LPP: variants seen among roughly 807,000 people sequenced by gnomAD.
LPP encodes LIM domain containing preferred translocation partner in lipoma.
Under a neutral mutation model 60.4 loss-of-function variants are expected in LPP, and 38 were observed. The observed-to-expected ratio is 0.63, with a 90% CI of 0.49 to 0.83. The LOEUF (loss-of-function observed/expected upper bound fraction) is 0.83. Among genes scored for constraint, LPP ranks in the 40% least tolerant of loss-of-function variants. The pLI is 0.00. For missense variants in LPP, 902 were observed against 783.6 expected, an observed-to-expected ratio of 1.15 and a Z score of -1.80; for synonymous variants, 328 against 290.8, an observed-to-expected ratio of 1.13 and a Z score of -1.30.
At chr3:188,159,769 G>A (rs2148682210) in intron 1 of LPP, among the ~76,000 whole-genome samples, 1 of 152,364 alleles carries the variant, frequency 6.6e-6, no homozygotes, top group East Asian at 1.9e-4. Context: ...GACTGGGAGT[G>A]TAGAGCTGAG....
intron 2 of LPP, among the ~76,000 whole-genome samples, chr3:188,290,698 G>C (rs556544723): frequency 6.6e-6 from 1 of 152,324 alleles, no homozygotes; most frequent in East Asian, 1.9e-4. Flanking sequence ...CTCTGTCCTT[G>C]ACCTTTGTTT....
intron 2 of LPP, among the ~76,000 whole-genome samples, chr3:188,243,800 G>T (rs73059645): frequency 1.3e-5 from 2 of 152,068 alleles, no homozygotes; most frequent in Non-Finnish European, 2.9e-5. Context: ...GAAAGAGGAG[G>T]CTAACTAGAA....
rs189161228 is a variant in LPP at position 188,323,496 on chromosome 3, G to A, written c.-66-18167G>A. On this transcript the variant is annotated intron_variant, in intron 2 of 11. Coordinates refer to ENST00000617246, the MANE Select transcript of LPP (RefSeq NM_001375462.1). ...ACTTATTTTCTGGGAAGAAAACTTT[G>A]CAAAGCAGTAGCAGAATAAAGTCGA... 3.0e-3 allele frequency among the ~76,000 whole-genome samples: 452 copies of A among 152,284 alleles called. 6 individuals carry two copies. Among genetic ancestry groups the A allele is most frequent in the South Asian group, 0.026 (127 of 4,820 alleles).
intron 4 of LPP, among the ~76,000 whole-genome samples, chr3:188,443,173 GC>G (rs1358468301): frequency 2.0e-5 from 3 of 152,204 alleles, no homozygotes; most frequent in Non-Finnish European, 4.4e-5. Flanking sequence ...CATAATACTT[GC>G]AAAAAAGAGA....
rs529368346 is a variant in LPP, at chr3:188,178,001, T to C, written c.-190+23749T>C. Among the ~76,000 whole-genome samples the C allele has an allele frequency of 6.6e-5, 10 of 152,344 alleles. No homozygotes were observed. The South Asian group carries it at 2.1e-3, about 32-fold the overall frequency. ...TTTCCTTTCTCATCCATAGAGGTTT[T>C]GGCAAAGGCATACTTGGGAGTGTTG... On this transcript the variant is annotated intron_variant, in intron 1 of 11. Transcript: ENST00000617246.
intron 8 of LPP, among the ~76,000 whole-genome samples, chr3:188,754,349 G>A (rs1407808028): frequency 6.6e-6 from 1 of 152,162 alleles, no homozygotes; most frequent in Non-Finnish European, 1.5e-5. Flanking sequence ...TATAAAGATA[G>A]CATTAGGGAG....
intron 6 of LPP, among the ~76,000 whole-genome samples, chr3:188,536,086 G>A (rs896299826): frequency 7.0e-5 from 10 of 143,234 alleles, no homozygotes; most frequent in East Asian, 2.0e-4. Context: ...TCATCTCACC[G>A]CAACCACTGC....
At chr3:188,767,016 T>C (rs1275311552) in intron 9 of LPP, among the ~76,000 whole-genome samples, 9 of 152,218 alleles carry the variant, frequency 5.9e-5, no homozygotes, top group African/African-American at 1.9e-4. Flanking sequence ...GTTTTAAATA[T>C]TCTTGAACCA....
chr3:188,502,664 A>G (rs1812254609), intron 5 of LPP, among the ~76,000 whole-genome samples: 1 of 152,180 alleles, frequency 6.6e-6, no homozygotes, highest in Non-Finnish European at 1.5e-5. Context: ...TTAAGTTGTG[A>G]TGGGGTTATG....
intron 5 of LPP, among the ~76,000 whole-genome samples, chr3:188,515,292 C>A (rs867782453): frequency 6.6e-6 from 1 of 152,202 alleles, no homozygotes; most frequent in African/African-American, 2.4e-5. Context: ...TCTCCCCAAG[C>A]CTTGTTCCTC....
intron 4 of LPP, among the ~76,000 whole-genome samples, chr3:188,414,564 A>G (rs1025938416): frequency 6.6e-6 from 1 of 152,200 alleles, no homozygotes; most frequent in Non-Finnish European, 1.5e-5. Flanking sequence ...AACAACAGTG[A>G]TAGAGATCAC....
chr3:188,728,586 A>G (rs1035276834), intron 8 of LPP, among the ~76,000 whole-genome samples: 1 of 152,186 alleles, frequency 6.6e-6, no homozygotes, highest in African/African-American at 2.4e-5. Flanking sequence ...CAGCTCATCA[A>G]TATGGAATAC....
chr3:188,745,439 C>T (rs939993253), intron 8 of LPP, among the ~76,000 whole-genome samples: 9 of 152,072 alleles, frequency 5.9e-5, no homozygotes, highest in African/African-American at 1.4e-4. Context: ...TGTGAATTTT[C>T]GACATCCTAT....
At chr3:188,463,560 T>G (rs1005884746) in intron 4 of LPP, among the ~76,000 whole-genome samples, 3 of 152,142 alleles carry the variant, frequency 2.0e-5, no homozygotes, top group Non-Finnish European at 4.4e-5. Flanking sequence ...TCCCATTTCA[T>G]TTTAGATTTT....
chr3:188,746,487 GAATGCTGAT>G (rs1343670397), intron 8 of LPP: 1 of 484,900 alleles, frequency 2.1e-6, no homozygotes, highest in South Asian at 1.5e-5. Context: ...GAACTTAACA[GAATGCTGAT>G]AATGCCAAGC....
At chr3:188,183,903 G>A (rs997173064) in intron 1 of LPP, among the ~76,000 whole-genome samples, 7 of 152,222 alleles carry the variant, frequency 4.6e-5, no homozygotes, top group Admixed American at 1.3e-4. Context: ...ACCTGCCACT[G>A]CTAGGAATTT....
At chr3:188,731,467 A>G (rs951510349) in intron 8 of LPP, among the ~76,000 whole-genome samples, 1 of 142,572 alleles carries the variant, frequency 7.0e-6, no homozygotes, top group Admixed American at 6.9e-5. Context: ...CTGAGCTATA[A>G]TTTTCCTTGG....
chr3:188,836,292 G>A (rs901581291), intron 9 of LPP, among the ~76,000 whole-genome samples: 3 of 152,162 alleles, frequency 2.0e-5, no homozygotes, highest in African/African-American at 4.8e-5. Context: ...CCTTTAGTCT[G>A]TAGGCTTGGA....
intron 9 of LPP, among the ~76,000 whole-genome samples, chr3:188,822,379 A>G (rs1754220202): frequency 6.6e-6 from 1 of 152,250 alleles, no homozygotes; most frequent in Non-Finnish European, 1.5e-5. Flanking sequence ...GAAGAAATGC[A>G]TCAAGAGGGT....
Sources: gnomAD v4.1 joint callset for allele counts (sites outside exome capture counted in the v4.1 genomes callset) on GRCh38, gnomAD v4.1.1 for gene constraint, MANE v1.5 for transcripts, NCBI Gene and HGNC (gene_info 2026-07-23, HGNC 2026-07-21) for gene names.